Variants in SH3RF3 observed in about 807,000 individuals in gnomAD.
SH3RF3 encodes the protein SH3 domain containing ring finger 3.
In SH3RF3, 29 loss-of-function variants were observed where a neutral mutation model predicts 66.3. The observed-to-expected ratio is 0.44, with a 90% CI of 0.33 to 0.60. The LOEUF is 0.60. Among genes scored for constraint, SH3RF3 ranks in the 20% least tolerant of loss-of-function variants. The probability of loss-of-function intolerance (pLI) is 0.04; values close to 1 mark genes in which losing one functional copy is unlikely to be tolerated. For missense variants in SH3RF3, 1,194 were observed against 1,190.9 expected (o/e 1.00, Z -0.04); for synonymous variants, 583 against 532.0 (o/e 1.10, Z -1.32).
chr2:109,438,949 C>T (rs561494918), intron 7 of SH3RF3, among the ~76,000 whole-genome samples: 1 of 152,316 alleles, frequency 6.6e-6, no homozygotes, highest in East Asian at 1.9e-4. Context: ...TGCACCAGCA[C>T]TAGAAAGGGT....
chr2:109,321,155 C>T (rs2105459239), intron 1 of SH3RF3, among the ~76,000 whole-genome samples: 1 of 152,374 alleles, frequency 6.6e-6, no homozygotes, highest in African/African-American at 2.4e-5. Flanking sequence ...TGCATGGATG[C>T]ACCTCTCAAA....
At chr2:109,177,181 A>G (rs1217900630) in intron 1 of SH3RF3, among the ~76,000 whole-genome samples, 1 of 152,182 alleles carries the variant, frequency 6.6e-6, no homozygotes, top group African/African-American at 2.4e-5. Context: ...CCAGAGTCAG[A>G]ATAAGGGGGA....
At chr2:109,132,330 A>C (rs760016366) in intron 1 of SH3RF3, among the ~76,000 whole-genome samples, 1 of 152,326 alleles carries the variant, frequency 6.6e-6, no homozygotes, top group African/African-American at 2.4e-5. Flanking sequence ...ATATTTTGAC[A>C]GCTTTATTTA....
chr2:109,429,376 TC>T (rs924853777), intron 5 of SH3RF3, among the ~76,000 whole-genome samples: 64 of 151,904 alleles, frequency 4.2e-4, no homozygotes, highest in African/African-American at 1.4e-3. Context: ...ACATTCCAGT[TC>T]CCCCAGCAAC....
At chr2:109,294,032 A>G (rs1681249559) in intron 1 of SH3RF3, among the ~76,000 whole-genome samples, 1 of 152,130 alleles carries the variant, frequency 6.6e-6, no homozygotes, top group East Asian at 1.9e-4. Flanking sequence ...CCCTTCTTGG[A>G]ATGGTCTTTT....
At chr2:109,252,644 G>A (rs548942856) in intron 1 of SH3RF3, among the ~76,000 whole-genome samples, 5 of 152,298 alleles carry the variant, frequency 3.3e-5, no homozygotes, top group East Asian at 1.9e-4. Context: ...AGTTGAAAAC[G>A]CATGTAATAC....
intron 1 of SH3RF3, among the ~76,000 whole-genome samples, chr2:109,199,954 G>A (rs1402576862): frequency 6.6e-6 from 1 of 150,596 alleles, no homozygotes; most frequent in Non-Finnish European, 1.5e-5. Flanking sequence ...CCCCAGGGAC[G>A]TTTGCAGTGT....
At chr2:109,365,173 C>T (rs1683131391) in intron 2 of SH3RF3, among the ~76,000 whole-genome samples, 1 of 152,220 alleles carries the variant, frequency 6.6e-6, no homozygotes, top group Non-Finnish European at 1.5e-5. Flanking sequence ...AGTGGTTCCT[C>T]TTCCCCTCCC....
chr2:109,133,957 G>A (rs935688765), intron 1 of SH3RF3, among the ~76,000 whole-genome samples: 2 of 152,094 alleles, frequency 1.3e-5, no homozygotes, highest in Non-Finnish European at 2.9e-5. Flanking sequence ...GTGGAATGTT[G>A]GTTAGTCCAG....
At position 109,432,567 on chromosome 2, in the gene SH3RF3, G is replaced by A. The variant is rs1559080881; in HGVS notation, c.1470G>A (p.Met490Ile). The A allele has an allele frequency of 1.2e-6, 2 of 1,613,682 alleles. No individual in the cohort carries two copies. The highest frequency in any genetic ancestry group is 2.2e-5 in the South Asian group (2 of 90,958). The change falls in exon 6 of 10, where the codon ATG becomes ATA. Residue 490 changes from methionine to isoleucine, a missense_variant. Physicochemically the swap from Met to Ile is conservative, Grantham distance 10. Transcript: ENST00000309415. ...AGCTGGAGCTGCACAAGGGAGAGATGTACCGGGTCCTCGAGAAGTGTCAGG... is the reference window on the plus strand; with the variant it reads ...AGCTGGAGCTGCACAAGGGAGAGATATACCGGGTCCTCGAGAAGTGTCAGG... The part of the protein sequence containing the change: ...SDELELHKGE[M>I]YRVLEKCQDG...
At chr2:109,319,457 T>G (rs969358894) in intron 1 of SH3RF3, among the ~76,000 whole-genome samples, 7 of 152,276 alleles carry the variant, frequency 4.6e-5, no homozygotes, top group African/African-American at 1.7e-4. Flanking sequence ...TACAAGTGAT[T>G]CGTTTTCTTA....
chr2:109,203,001 T>C (rs1034069833), intron 1 of SH3RF3, among the ~76,000 whole-genome samples: 1 of 152,170 alleles, frequency 6.6e-6, no homozygotes, highest in Non-Finnish European at 1.5e-5. Flanking sequence ...AAGGTAACAC[T>C]TGGGCCTGAG....
intron 1 of SH3RF3, among the ~76,000 whole-genome samples, chr2:109,204,944 A>C (rs1173671734): frequency 6.6e-6 from 1 of 152,224 alleles, no homozygotes; most frequent in Non-Finnish European, 1.5e-5. Context: ...ATGGTGGCTC[A>C]TGCCTGTAAT....
At chr2:109,175,197 T>C (rs1439240120) in intron 1 of SH3RF3, among the ~76,000 whole-genome samples, 2 of 152,190 alleles carry the variant, frequency 1.3e-5, no homozygotes, top group African/African-American at 2.4e-5. Flanking sequence ...TCAGAGTCAG[T>C]GGTGACGTCA....
In SH3RF3 at chr2:109,144,351, T is replaced by C. The variant is rs867958950; in HGVS notation, c.573+14238T>C. On this transcript the variant is annotated intron_variant, in intron 1 of 9. Transcript: ENST00000309415. ...AAACAGGGGAAATATAAATTTAACA[T>C]GATAATGAAAAGTACTTTTAAAAAA... Among the ~76,000 whole-genome samples, 3 of 152,328 alleles carry C rather than the reference T, an allele frequency of 2.0e-5. No homozygotes were observed. In the Middle Eastern group the frequency reaches 0.01, roughly 518 times the overall value.
intron 4 of SH3RF3, among the ~76,000 whole-genome samples, chr2:109,418,814 C>T (rs1364092678): frequency 2.0e-5 from 3 of 152,102 alleles, no homozygotes; most frequent in Non-Finnish European, 4.4e-5. Flanking sequence ...CAGGGCAGGG[C>T]GAGCAAGCTG....
At chr2:109,413,059 T>C (rs1676636505) in intron 4 of SH3RF3, among the ~76,000 whole-genome samples, 1 of 152,218 alleles carries the variant, frequency 6.6e-6, no homozygotes, top group Non-Finnish European at 1.5e-5. Context: ...TCATAAACAG[T>C]GCTGCTGCGA....
chr2:109,330,013 G>A (rs1682248859), intron 1 of SH3RF3, among the ~76,000 whole-genome samples: 1 of 152,212 alleles, frequency 6.6e-6, no homozygotes. Context: ...ACCAGAAAAA[G>A]TCAACATCCC....
chr2:109,238,089 C>G (rs1679689289), intron 1 of SH3RF3, among the ~76,000 whole-genome samples: 1 of 152,018 alleles, frequency 6.6e-6, no homozygotes. Flanking sequence ...GCCTGTAATC[C>G]CAGGTGGAGC....
Sources: gnomAD v4.1 joint callset for allele counts (sites outside exome capture counted in the v4.1 genomes callset) on GRCh38, gnomAD v4.1.1 for gene constraint, MANE v1.5 for transcripts, NCBI Gene and HGNC (gene_info 2026-07-23, HGNC 2026-07-21) for gene names.